COL23A1: variants seen among roughly 807,000 people sequenced by gnomAD.
COL23A1 encodes the protein collagen alpha-1(XXIII) chain.
COL23A1 carries 97 observed loss-of-function variants against 99.3 expected under a neutral mutation model. That is an observed-to-expected ratio of 0.98 (90% CI 0.83 to 1.16). The LOEUF is 1.16. Among genes scored for constraint, COL23A1 ranks in the 50% most tolerant of loss-of-function variants. The pLI is 0.00. For missense variants in COL23A1, 762 were observed against 757.4 expected, an observed-to-expected ratio of 1.01 and a Z score of -0.07; for synonymous variants, 320 against 308.2, an observed-to-expected ratio of 1.04 and a Z score of -0.40.
chr5:178,332,952 GTTT>G (rs111806170), intron 2 of COL23A1, among the ~76,000 whole-genome samples: 1 of 150,628 alleles, frequency 6.6e-6, no homozygotes, highest in Non-Finnish European at 1.5e-5. Flanking sequence ...CTCATGGTTT[GTTT>G]TTTTTTGTTT....
chr5:178,482,920 A>T (rs1452330701), intron 2 of COL23A1, among the ~76,000 whole-genome samples: 2 of 152,024 alleles, frequency 1.3e-5, no homozygotes, highest in African/African-American at 2.4e-5. Context: ...AAGAAAAAAG[A>T]AAAGACTTAG....
At chr5:178,481,484 A>G (rs1404856016) in intron 2 of COL23A1, among the ~76,000 whole-genome samples, 1 of 152,214 alleles carries the variant, frequency 6.6e-6, no homozygotes, top group Non-Finnish European at 1.5e-5. Context: ...ATTAATAACC[A>G]GAACATATAA....
At chr5:178,462,743 AC>A (rs1756191058) in intron 2 of COL23A1, among the ~76,000 whole-genome samples, 1 of 152,264 alleles carries the variant, frequency 6.6e-6, no homozygotes. Flanking sequence ...ACTACAAATT[AC>A]GAGTCAGATC....
At position 178,544,311 on chromosome 5, in the gene COL23A1, G is replaced by T. The variant is rs931012099; in HGVS notation, c.361+16371C>A. Among the ~76,000 whole-genome samples, 33 of 152,152 alleles carry T rather than the reference G, an allele frequency of 2.2e-4. No individual in the cohort carries two copies. Among genetic ancestry groups the T allele is most frequent in the African/African-American group, 7.5e-4 (31 of 41,440 alleles). On this transcript the variant is annotated intron_variant, in intron 2 of 28. Transcript: ENST00000390654. The surrounding 1 kb of genome is among the most constrained non-coding windows in gnomAD (Gnocchi z 4.4). ...TTACAGAGCCCCCAGCCCAGCCCCT[G>T]CTGGAGCTCCTGGATCCCAAGGCGG...
chr5:178,245,123 C>A (rs1376715725), intron 25 of COL23A1, among the ~76,000 whole-genome samples: 1 of 150,446 alleles, frequency 6.6e-6, no homozygotes. Flanking sequence ...CCATCATCAT[C>A]CATCCATCCA....
chr5:178,440,180 AAAAC>A (rs1766785048), intron 2 of COL23A1, among the ~76,000 whole-genome samples: 1 of 152,242 alleles, frequency 6.6e-6, no homozygotes, highest in Non-Finnish European at 1.5e-5. Context: ...AGCTGTTAAA[AAAAC>A]AAACCACTTC....
intron 8 of COL23A1, among the ~76,000 whole-genome samples, chr5:178,265,255 AG>A (rs1755815380): frequency 6.6e-6 from 1 of 152,230 alleles, no homozygotes; most frequent in Admixed American, 6.5e-5. Context: ...TTGGTCTGGC[AG>A]GGCCAGGGTC....
In COL23A1 at chr5:178,355,870, T is replaced by C. The variant is rs531660340; in HGVS notation, c.362-48951A>G. On this transcript the variant is annotated intron_variant, in intron 2 of 28. Transcript: ENST00000390654. ...GGGCTGACTGCGTATTGCGAAATGA[T>C]TGACAGCACTGAGCTAGTGAACATG... Among the ~76,000 whole-genome samples the C allele has an allele frequency of 7.7e-4, 117 of 151,754 alleles. 1 individual carries two copies. In the Middle Eastern group the frequency reaches 0.01, roughly 13 times the overall value.
At chr5:178,392,733 G>T (rs555652036) in intron 2 of COL23A1, among the ~76,000 whole-genome samples, 15 of 152,328 alleles carry the variant, frequency 9.8e-5, no homozygotes, top group Middle Eastern at 3.4e-3. Flanking sequence ...AAATGTAATA[G>T]TGAGACCCCT....
chr5:178,250,978 C>CAA (rs558621690), intron 17 of COL23A1, among the ~76,000 whole-genome samples: 27 of 72,070 alleles, frequency 3.7e-4, no homozygotes, highest in African/African-American at 5.1e-4. Context: ...GACTCCGTCT[C>CAA]AAAAAAAAAA....
chr5:178,240,496 G>A (rs967476008), intron 27 of COL23A1, among the ~76,000 whole-genome samples: 3 of 152,188 alleles, frequency 2.0e-5, no homozygotes, highest in Admixed American at 6.5e-5. Flanking sequence ...GCAGGGCCCC[G>A]CCAGCCTGGT....
intron 2 of COL23A1, among the ~76,000 whole-genome samples, chr5:178,358,546 G>A (rs1290620758): frequency 2.7e-5 from 4 of 150,316 alleles, no homozygotes; most frequent in South Asian, 2.1e-4. Flanking sequence ...GTGTATGTGT[G>A]TGTATGTGTA....
At chr5:178,448,562 C>G (rs1366335055) in intron 2 of COL23A1, among the ~76,000 whole-genome samples, 2 of 152,202 alleles carry the variant, frequency 1.3e-5, no homozygotes, top group Non-Finnish European at 2.9e-5. Context: ...TAGCATCTGG[C>G]AAGGGCCTTC....
intron 2 of COL23A1, among the ~76,000 whole-genome samples, chr5:178,543,977 C>T (rs1464820386): frequency 6.6e-6 from 1 of 152,054 alleles, no homozygotes; most frequent in Non-Finnish European, 1.5e-5. Context: ...GAAAAAGCTC[C>T]CTGGGGTCCC....
intron 2 of COL23A1, among the ~76,000 whole-genome samples, chr5:178,336,449 C>T (rs1025021454): frequency 1.3e-5 from 2 of 152,190 alleles, no homozygotes; most frequent in African/African-American, 4.8e-5. Flanking sequence ...CATGGATAAA[C>T]CCTGAAAGCA....
At chr5:178,528,929 C>T (rs1190028992) in intron 2 of COL23A1, among the ~76,000 whole-genome samples, 1 of 152,228 alleles carries the variant, frequency 6.6e-6, no homozygotes, top group Non-Finnish European at 1.5e-5. Context: ...CTTGCCACTG[C>T]TTAGAGACGG....
chr5:178,583,818 T>C (rs891399799), intron 1 of COL23A1, among the ~76,000 whole-genome samples: 23 of 152,320 alleles, frequency 1.5e-4, no homozygotes, highest in African/African-American at 5.1e-4. Context: ...GACACTAGCC[T>C]GGACTTCTCC....
At chr5:178,343,041 A>T (rs2127665010) in intron 2 of COL23A1, among the ~76,000 whole-genome samples, 1 of 152,354 alleles carries the variant, frequency 6.6e-6, no homozygotes, top group East Asian at 1.9e-4. Context: ...TGAAATTTTG[A>T]GTACTGAACT....
At position 178,281,079 on chromosome 5, in the gene COL23A1, C is replaced by T. The variant is rs374935184; in HGVS notation, c.441+7245G>A. Among the ~76,000 whole-genome samples the T allele has an allele frequency of 2.0e-4, 31 of 152,184 alleles. No homozygotes were observed. The East Asian group carries it at 5.0e-3, about 25-fold the overall frequency. On this transcript the variant is annotated intron_variant, in intron 5 of 28. Coordinates refer to ENST00000390654, the MANE Select transcript of COL23A1 (RefSeq NM_173465.4). The surrounding 1 kb of genome is among the most constrained non-coding windows in gnomAD (Gnocchi z 4.0). ...TGCATCTCCCTGAGGTTCCAGTCTG[C>T]GTGCCATTATCAGGGACTCCGGAGT...
Sources: allele counts gnomAD v4.1 joint callset (sites outside exome capture counted in the v4.1 genomes callset), GRCh38; gene constraint gnomAD v4.1.1; non-coding constraint Gnocchi (gnomAD v3.1); transcripts MANE v1.5; gene names NCBI Gene and HGNC (gene_info 2026-07-23, HGNC 2026-07-21).